Variants in SYT16 observed in about 807,000 individuals in gnomAD.
SYT16 encodes synaptotagmin 16.
A neutral mutation model predicts 61.4 loss-of-function variants in SYT16; 42 were observed. That is an observed-to-expected ratio of 0.68 (90% CI 0.53 to 0.89). The LOEUF (loss-of-function observed/expected upper bound fraction) is 0.89. SYT16 is among the 40% of genes least tolerant of loss of function. The probability of loss-of-function intolerance (pLI) is 0.00; values close to 1 mark genes in which losing one functional copy is unlikely to be tolerated. For synonymous variants in SYT16, 314 were observed against 302.3 expected, an observed-to-expected ratio of 1.04 and a Z score of -0.40; for missense variants, 804 against 807.3, an observed-to-expected ratio of 1.00 and a Z score of 0.05.
At chr14:61,842,184 TCTAA>T (rs1243954909) in intron 1 of SYT16, among the ~76,000 whole-genome samples, 1 of 152,230 alleles carries the variant, frequency 6.6e-6, no homozygotes, top group East Asian at 1.9e-4. Flanking sequence ...TTATAAACAA[TCTAA>T]CTATACTCTT....
chr14:62,062,470 T>C (rs2055867658), intron 3 of SYT16, among the ~76,000 whole-genome samples: 1 of 152,204 alleles, frequency 6.6e-6, no homozygotes, highest in Non-Finnish European at 1.5e-5. Flanking sequence ...TTGCATCCCT[T>C]ACACACCTCC....
At chr14:61,957,154 A>C (rs2050910822) in intron 1 of SYT16, among the ~76,000 whole-genome samples, 1 of 151,896 alleles carries the variant, frequency 6.6e-6, no homozygotes, top group South Asian at 2.1e-4. Flanking sequence ...TTAATTTTTA[A>C]ATCCTGCAGC....
intron 3 of SYT16, among the ~76,000 whole-genome samples, chr14:62,052,123 C>T (rs1344171111): frequency 6.6e-6 from 1 of 152,088 alleles, no homozygotes. Flanking sequence ...TTGGTTTAAA[C>T]TGTTGGTTGA....
At position 61,865,135 on chromosome 14, in the gene SYT16, C is replaced by T. The variant is rs61735714; in HGVS notation, c.-325+52325C>T. Reference sequence around the variant, plus strand: ...ATGAAGCCTTCTGTGGCTCCTCAGCCACCGATAAATGCCGCTCCCTGCAGT... The same window carrying T: ...ATGAAGCCTTCTGTGGCTCCTCAGCTACCGATAAATGCCGCTCCCTGCAGT... On this transcript the variant is annotated intron_variant, in intron 1 of 7. Coordinates refer to ENST00000683842, the MANE Select transcript of SYT16 (RefSeq NM_001367656.1). 2,990 of 1,284,392 alleles carry T rather than the reference C, an allele frequency of 2.3e-3. 43 individuals carry two copies. Among genetic ancestry groups the T allele is most frequent in the South Asian group, 0.019 (1,622 of 84,220 alleles). 79.6% of individuals were successfully genotyped at this position (1,284,392 alleles called of 1,614,324 possible).
At chr14:61,994,201 C>G (rs928503487) in intron 2 of SYT16, among the ~76,000 whole-genome samples, 1 of 152,096 alleles carries the variant, frequency 6.6e-6, no homozygotes, top group Non-Finnish European at 1.5e-5. Context: ...TCACAATCCC[C>G]CATGTTGTGA....
At chr14:62,075,062 A>G (rs2056433109) in intron 4 of SYT16, 73 bp from the exon 5 acceptor site, 2 of 1,482,320 alleles carry the variant, frequency 1.3e-6, no homozygotes, top group African/African-American at 1.4e-5. Context: ...TGTGACTGCA[A>G]TTACTCAATT....
At chr14:61,868,584 T>C (rs1373344266) in intron 1 of SYT16, among the ~76,000 whole-genome samples, 2 of 151,986 alleles carry the variant, frequency 1.3e-5, no homozygotes, top group African/African-American at 4.8e-5. Context: ...ATAAGTATGT[T>C]CTTTAGTTTC....
intron 2 of SYT16, among the ~76,000 whole-genome samples, chr14:61,979,252 C>T (rs1179876437): frequency 1.3e-5 from 2 of 152,110 alleles, no homozygotes; most frequent in East Asian, 1.9e-4. Flanking sequence ...GAACATTTAG[C>T]CATGTGCTCA....
intron 1 of SYT16, among the ~76,000 whole-genome samples, chr14:61,900,699 C>G (rs1307116016): frequency 6.6e-6 from 1 of 152,158 alleles, no homozygotes; most frequent in Non-Finnish European, 1.5e-5. Flanking sequence ...CTCAATGGGT[C>G]ACTGGGGCCA....
intron 3 of SYT16, among the ~76,000 whole-genome samples, chr14:62,030,836 G>A (rs372913154): frequency 2.0e-5 from 3 of 152,132 alleles, no homozygotes; most frequent in African/African-American, 7.2e-5. Context: ...GGAAATCAAA[G>A]CCATAATTTA....
chr14:61,995,244 CT>C (rs1337487188), intron 2 of SYT16, among the ~76,000 whole-genome samples: 2 of 152,040 alleles, frequency 1.3e-5, no homozygotes, highest in Non-Finnish European at 2.9e-5. Context: ...GGAGAGCTAT[CT>C]ATCTTCGGGA....
chr14:61,994,109 C>T (rs2052668689), intron 2 of SYT16, among the ~76,000 whole-genome samples: 3 of 151,996 alleles, frequency 2.0e-5, no homozygotes, highest in East Asian at 1.9e-4. Flanking sequence ...GATAACTGTA[C>T]AAAATATGAT....
chr14:61,979,937 G>A (rs1230448089), intron 2 of SYT16, among the ~76,000 whole-genome samples: 2 of 152,160 alleles, frequency 1.3e-5, no homozygotes, highest in African/African-American at 2.4e-5. Context: ...GAATTGCACA[G>A]TAAGTTTTAG....
intron 1 of SYT16, among the ~76,000 whole-genome samples, chr14:61,963,156 TAG>T (rs1351820730): frequency 1.3e-5 from 2 of 152,150 alleles, no homozygotes; most frequent in Admixed American, 1.3e-4. Flanking sequence ...ATATTAAAAT[TAG>T]GCCAATTAAC....
chr14:61,957,190 A>T (rs1312016423), intron 1 of SYT16, among the ~76,000 whole-genome samples: 1 of 135,212 alleles, frequency 7.4e-6, no homozygotes, highest in Non-Finnish European at 1.6e-5. Context: ...GATTAGTTCT[A>T]ACAGTTTTTT....
rs532673959 is a variant in SYT16, at chr14:61,880,093, C to T, written c.-325+67283C>T. Among the ~76,000 whole-genome samples, 184 of 152,324 alleles carry T rather than the reference C, an allele frequency of 1.2e-3. 1 individual carries two copies. Among genetic ancestry groups the T allele is most frequent in the Non-Finnish European group, 1.9e-3 (126 of 68,032 alleles). On this transcript the variant is annotated intron_variant, in intron 1 of 7. Transcript: ENST00000683842. ...TGTCTGCAGATGAAATGTCTTAGTT[C>T]CCACCAAAAGCTGCTTCTGCTTATT...
intron 5 of SYT16, among the ~76,000 whole-genome samples, chr14:62,078,222 T>A (rs2056583699): frequency 6.6e-6 from 1 of 151,242 alleles, no homozygotes; most frequent in Non-Finnish European, 1.5e-5. Flanking sequence ...GAAATAGTTA[T>A]GCCTAAAGGT....
chr14:62,031,211 T>C (rs1030152552), intron 3 of SYT16, among the ~76,000 whole-genome samples: 11 of 152,198 alleles, frequency 7.2e-5, no homozygotes, highest in Non-Finnish European at 1.2e-4. Flanking sequence ...CTCCTCCCTA[T>C]ATGAAACACA....
intron 1 of SYT16, among the ~76,000 whole-genome samples, chr14:61,951,199 A>G (rs2140476162): frequency 6.6e-6 from 1 of 152,286 alleles, no homozygotes; most frequent in Non-Finnish European, 1.5e-5. Context: ...TAACCTTTTG[A>G]ACACAAGAAA....
Sources: gnomAD v4.1 joint callset for allele counts (sites outside exome capture counted in the v4.1 genomes callset) on GRCh38, gnomAD v4.1.1 for gene constraint, MANE v1.5 for transcripts, NCBI Gene and HGNC (gene_info 2026-07-23, HGNC 2026-07-21) for gene names.